SGK1: variants seen among roughly 807,000 people sequenced by gnomAD.
The protein encoded by SGK1 is serine/threonine-protein kinase Sgk1.
Under a neutral mutation model 64.2 loss-of-function variants are expected in SGK1, and 26 were observed. The observed-to-expected ratio is 0.40, with a 90% confidence interval of 0.30 to 0.56. SGK1 has a LOEUF of 0.56. SGK1 is among the 20% of genes least tolerant of loss of function. The probability of loss-of-function intolerance (pLI) is 0.38; values close to 1 mark genes in which losing one functional copy is unlikely to be tolerated. For missense variants in SGK1, 519 were observed against 645.6 expected, an observed-to-expected ratio of 0.80 and a Z score of 2.12; for synonymous variants, 265 against 239.7, an observed-to-expected ratio of 1.11 and a Z score of -0.98.
intron 3 of SGK1, chr6:134,175,475 C>T: frequency 1.5e-6 from 2 of 1,338,716 alleles, no homozygotes; most frequent in Non-Finnish European, 1.9e-6. Flanking sequence ...CGACGAAAGC[C>T]GGCCCCTGCC....
chr6:134,300,997 AAAAG>A (rs1309343098), intron 1 of SGK1, among the ~76,000 whole-genome samples: 2 of 152,178 alleles, frequency 1.3e-5, no homozygotes, highest in Non-Finnish European at 2.9e-5. Context: ...ACGTTGGGAG[AAAAG>A]AAAGAGAAAT....
At position 134,262,024 on chromosome 6, in the gene SGK1, C is replaced by T; in HGVS notation, c.194G>A (p.Cys65Tyr). Residue 65 changes from cysteine to tyrosine, a missense_variant, in exon 2 of 14, where the codon TGT becomes TAT. Physicochemically the swap from Cys to Tyr is radical, Grantham distance 194. This residue lies in a region of SGK1 where 241 missense variants were observed against 236.9 expected (regional missense o/e 1.02). Transcript: ENST00000367858. ...AGCATGTTCACCCAGGCATGTTTGA[C>T]ACAAGGAAGACTCGAAGTCTGGCTC... Reference protein sequence around the residue: ...PGEPDFESSLCQTCLGEHAFQ... With the variant: ...PGEPDFESSLYQTCLGEHAFQ... 1.2e-6 allele frequency: 2 copies of T among 1,613,956 alleles called. No homozygotes were observed. The highest frequency in any genetic ancestry group is 1.3e-5 in the African/African-American group (1 of 75,046).
intron 2 of SGK1, among the ~76,000 whole-genome samples, chr6:134,225,813 C>T (rs1429391027): frequency 1.3e-5 from 2 of 151,810 alleles, no homozygotes; most frequent in African/African-American, 2.4e-5. Context: ...GCATGGTGAC[C>T]TGTAATCCCA....
At chr6:134,303,794 A>AAAAAG (rs71545100) in intron 1 of SGK1, among the ~76,000 whole-genome samples, 36,737 of 150,286 alleles carry the variant, frequency 0.24, 5,072 homozygotes, top group African/African-American at 0.37. Flanking sequence ...CAAGAAAAAA[A>AAAAAG]AAAAGAAAAG....
intron 2 of SGK1, among the ~76,000 whole-genome samples, chr6:134,258,016 C>G (rs1776710214): frequency 6.6e-6 from 1 of 152,172 alleles, no homozygotes; most frequent in South Asian, 2.1e-4. Context: ...TCTCACCTTG[C>G]AACTTCACTT....
rs576451068 is a variant in SGK1 at position 134,171,250 on chromosome 6, AGATAT to A, written c.1168-77_1168-73del. 1,667 of 1,378,490 alleles carry A rather than the reference AGATAT, an allele frequency of 1.2e-3. 13 individuals carry two copies. The African/African-American group carries it at 0.019, about 15-fold the overall frequency. 85.4% of individuals were successfully genotyped at this position (1,378,490 alleles called of 1,614,324 possible). ...TGGCACACATTACCAGTAGAGAAAA[AGATAT>A]AAACGGCAATAAATATTAGGCTCGA... On this transcript the variant is annotated intron_variant, in intron 11 of 13. Transcript: ENST00000367858.
chr6:134,248,442 C>T (rs921434489), intron 2 of SGK1, among the ~76,000 whole-genome samples: 9 of 146,598 alleles, frequency 6.1e-5, no homozygotes, highest in Middle Eastern at 7.1e-3. Context: ...TGCTCTCCTC[C>T]GCCTTTTTTT....
At chr6:134,224,046 T>C (rs765540477) in intron 2 of SGK1, among the ~76,000 whole-genome samples, 2 of 152,248 alleles carry the variant, frequency 1.3e-5, no homozygotes, top group Non-Finnish European at 2.9e-5. Context: ...TGCCAATATT[T>C]TTTTTAAGAT....
intron 1 of SGK1, among the ~76,000 whole-genome samples, chr6:134,284,929 C>G (rs1777159073): frequency 6.6e-6 from 1 of 152,166 alleles, no homozygotes; most frequent in Non-Finnish European, 1.5e-5. Context: ...TTTTTATCCA[C>G]TCATTGGCTG....
intron 1 of SGK1, among the ~76,000 whole-genome samples, chr6:134,296,304 G>A (rs1226556249): frequency 6.6e-6 from 1 of 152,126 alleles, no homozygotes; most frequent in African/African-American, 2.4e-5. Context: ...GCGAGATATT[G>A]CTGTGTTGGC....
At chr6:134,265,945 A>T (rs902479171) in intron 1 of SGK1, among the ~76,000 whole-genome samples, 29 of 149,398 alleles carry the variant, frequency 1.9e-4, no homozygotes, top group South Asian at 4.3e-4. Context: ...ATCCAGCCAC[A>T]AGTGTCTTTT....
At chr6:134,220,981 CAAA>C (rs201634413) in intron 2 of SGK1, among the ~76,000 whole-genome samples, 3 of 91,020 alleles carry the variant, frequency 3.3e-5, no homozygotes, top group Admixed American at 1.1e-4. Context: ...GACTCCGGCT[CAAA>C]AAAAAAAAAA....
intron 3 of SGK1, among the ~76,000 whole-genome samples, chr6:134,206,019 C>G (rs2114682099): frequency 6.6e-6 from 1 of 152,058 alleles, no homozygotes; most frequent in East Asian, 1.9e-4. Context: ...GAGAACATAC[C>G]CTACTCTTTG....
chr6:134,273,684 C>A (rs1776977410), intron 1 of SGK1, among the ~76,000 whole-genome samples: 1 of 145,706 alleles, frequency 6.9e-6, no homozygotes. Flanking sequence ...GAGGGGATGG[C>A]AGAAGCCCAA....
chr6:134,206,363 ATATATATATATATATATATATTTTTTT>A (rs1473121071), intron 3 of SGK1, among the ~76,000 whole-genome samples: 23 of 22,656 alleles, frequency 1.0e-3, no homozygotes, highest in African/African-American at 3.7e-3. Context: ...ATATATATAT[ATATATATATATATATATATATTTTTTT>A]TTTTTTTTTT....
chr6:134,243,055 C>T (rs1243454643), intron 2 of SGK1, among the ~76,000 whole-genome samples: 1 of 148,530 alleles, frequency 6.7e-6, no homozygotes, highest in Admixed American at 6.7e-5. Flanking sequence ...AACAAAACAC[C>T]CAAAACACAT....
At chr6:134,276,837 A>C (rs1406072714) in intron 1 of SGK1, among the ~76,000 whole-genome samples, 2 of 152,050 alleles carry the variant, frequency 1.3e-5, no homozygotes, top group African/African-American at 4.8e-5. Context: ...GGATAGTTTG[A>C]GCTCAGGTGT....
intron 13 of SGK1, 69 bp downstream of exon 13, chr6:134,170,757 C>A: frequency 9.6e-7 from 1 of 1,043,088 alleles, no homozygotes; most frequent in East Asian, 2.4e-5. Context: ...AACCCTCCCC[C>A]AGACAATTCT....
chr6:134,300,533 G>A (rs1228246828), intron 1 of SGK1, among the ~76,000 whole-genome samples: 7 of 94,368 alleles, frequency 7.4e-5, no homozygotes, highest in Admixed American at 4.0e-4. Flanking sequence ...GCAAGACTCT[G>A]TCTCAAAAAA....
Sources: gnomAD v4.1 joint callset for allele counts (sites outside exome capture counted in the v4.1 genomes callset) on GRCh38, gnomAD v4.1.1 for gene constraint, gnomAD v4.1.1 regional missense constraint, MANE v1.5 for transcripts, NCBI Gene and HGNC (gene_info 2026-07-23, HGNC 2026-07-21) for gene names.